GUCY1A2: variants seen among roughly 807,000 people sequenced by gnomAD.
GUCY1A2 encodes the protein guanylate cyclase 1 soluble subunit alpha 2, also known as guanylate cyclase soluble subunit alpha-2.
In GUCY1A2, 27 loss-of-function variants were observed where a neutral mutation model predicts 63.5. The ratio of observed to expected loss-of-function variants is 0.43; its 90% confidence interval spans 0.31 to 0.59. The LOEUF (loss-of-function observed/expected upper bound fraction) is 0.59. Ranked by LOEUF, GUCY1A2 falls within the 20% of genes least tolerant of loss-of-function variation. The pLI is 0.11. For synonymous variants in GUCY1A2, 364 were observed against 343.5 expected, an observed-to-expected ratio of 1.06 and a Z score of -0.66; for missense variants, 768 against 913.3, an observed-to-expected ratio of 0.84 and a Z score of 2.05.
intron 3 of GUCY1A2, among the ~76,000 whole-genome samples, chr11:106,970,991 A>G (rs1198905731): frequency 6.6e-6 from 1 of 152,148 alleles, no homozygotes; most frequent in Non-Finnish European, 1.5e-5. Context: ...ATATGATTAC[A>G]TTTATATGAC....
chr11:106,980,628 T>C (rs1861322789), intron 2 of GUCY1A2, among the ~76,000 whole-genome samples: 1 of 152,056 alleles, frequency 6.6e-6, no homozygotes, highest in Non-Finnish European at 1.5e-5. Context: ...TTTAAATTGG[T>C]CTAGAGTGAA....
intron 4 of GUCY1A2, among the ~76,000 whole-genome samples, chr11:106,898,667 AAAAGGT>A (rs902089118): frequency 2.6e-5 from 4 of 152,228 alleles, no homozygotes; most frequent in African/African-American, 9.6e-5. Flanking sequence ...GGAGACAGTA[AAAAGGT>A]CAATAGCTGC....
intron 4 of GUCY1A2, among the ~76,000 whole-genome samples, chr11:106,935,718 A>C (rs1007863744): frequency 2.6e-5 from 4 of 151,804 alleles, no homozygotes; most frequent in Admixed American, 2.6e-4. Flanking sequence ...GTGGTAGTGC[A>C]CACCTGTAGT....
At position 106,940,092 on chromosome 11, in the gene GUCY1A2, C is replaced by T. The variant is rs1860733034; in HGVS notation, c.574G>A (p.Val192Ile). 6.2e-7 allele frequency: 1 copy of T among 1,612,834 alleles called. No individual in the cohort carries two copies. The highest frequency in any genetic ancestry group is 8.5e-7 in the Non-Finnish European group (1 of 1,178,920). Residue 192 changes from valine to isoleucine, a missense_variant, in exon 4 of 8, where the codon GTA becomes ATA. By Grantham distance (29) the Val-to-Ile change is conservative. Coordinates refer to ENST00000526355, the MANE Select transcript of GUCY1A2 (RefSeq NM_000855.3). ...AAAAAGTCCTGCAAAGTGCCACCTA[C>T]AGCTCGAAGGACTCTCTCATTCTCA... is the stretch of plus-strand genomic sequence containing the variant. ...FHENERVLRA[V>I]GGTLQDFFNG... is the part of the protein sequence containing the mutation.
At chr11:106,987,038 A>T (rs1207918081) in intron 1 of GUCY1A2, among the ~76,000 whole-genome samples, 1 of 152,210 alleles carries the variant, frequency 6.6e-6, no homozygotes, top group African/African-American at 2.4e-5. Flanking sequence ...TTAGGAAGTT[A>T]TGATAAGAAG....
chr11:106,756,494 CT>C (rs1175060578), intron 6 of GUCY1A2, among the ~76,000 whole-genome samples: 1 of 152,116 alleles, frequency 6.6e-6, no homozygotes, highest in African/African-American at 2.4e-5. Context: ...CTGATTGTTC[CT>C]TTCCATGTTT....
intron 3 of GUCY1A2, among the ~76,000 whole-genome samples, chr11:106,940,820 A>G (rs1860742902): frequency 6.6e-6 from 1 of 152,160 alleles, no homozygotes; most frequent in South Asian, 2.1e-4. Context: ...GTTATCATAA[A>G]TAATATATTT....
intron 7 of GUCY1A2, among the ~76,000 whole-genome samples, chr11:106,690,648 T>C (rs143514375): frequency 2.3e-3 from 346 of 152,318 alleles, no homozygotes; most frequent in Non-Finnish European, 3.8e-3. Flanking sequence ...TACAAATGTA[T>C]GTAAGTATGT....
At chr11:106,937,382 A>G (rs1274133436) in intron 4 of GUCY1A2, among the ~76,000 whole-genome samples, 2 of 152,210 alleles carry the variant, frequency 1.3e-5, no homozygotes. Context: ...TAGAAGCCAA[A>G]TGAAATATAA....
chr11:106,882,061 T>A (rs1859831547), intron 4 of GUCY1A2, among the ~76,000 whole-genome samples: 1 of 151,776 alleles, frequency 6.6e-6, no homozygotes, highest in Admixed American at 6.6e-5. Context: ...TTCTCTTTCT[T>A]TTCTTTTCTT....
chr11:106,794,830 T>A (rs1864725852), intron 5 of GUCY1A2, among the ~76,000 whole-genome samples: 1 of 152,106 alleles, frequency 6.6e-6, no homozygotes, highest in South Asian at 2.1e-4. Context: ...TATAAAAAAT[T>A]TAGCATGGTA....
chr11:106,968,212 G>C (rs1363901570), intron 3 of GUCY1A2, among the ~76,000 whole-genome samples: 2 of 152,136 alleles, frequency 1.3e-5, no homozygotes, highest in Admixed American at 6.5e-5. Flanking sequence ...CTCTGCCCTA[G>C]ATATGATTAA....
rs555072579 is a variant in GUCY1A2, at chr11:106,967,524, G to A, written c.487+11095C>T. ...TAATGACATGGGATGAATAAAGGGA[G>A]GGATTTATCTAGAACTAGGTATGCC... On this transcript the variant is annotated intron_variant, in intron 3 of 7. Coordinates refer to ENST00000526355, the MANE Select transcript of GUCY1A2 (RefSeq NM_000855.3). Among the ~76,000 whole-genome samples, 42 of 152,248 alleles carry A rather than the reference G, an allele frequency of 2.8e-4. No homozygotes were observed. In the East Asian group the frequency reaches 7.9e-3, roughly 29 times the overall value.
chr11:106,737,034 T>C (rs1422779329), intron 6 of GUCY1A2, among the ~76,000 whole-genome samples: 1 of 152,192 alleles, frequency 6.6e-6, no homozygotes, highest in Non-Finnish European at 1.5e-5. Context: ...CTCCACTGAC[T>C]TTACTAACAT....
At chr11:106,869,396 T>A (rs1355199521) in intron 4 of GUCY1A2, among the ~76,000 whole-genome samples, 1 of 152,050 alleles carries the variant, frequency 6.6e-6, no homozygotes, top group African/African-American at 2.4e-5. Flanking sequence ...TACAAAGTAC[T>A]CAAACAAATT....
rs773251118 is a variant in GUCY1A2, at chr11:106,725,152, C to CTTT, written c.1837-16489_1837-16487dup. ...ATGTATCTTCTTATTGACATAAATT[C>CTTT]TTTTTTTTTTTTTTTTTTTTTTTTT... On this transcript the variant is annotated intron_variant, in intron 6 of 7. Coordinates refer to ENST00000526355, the MANE Select transcript of GUCY1A2 (RefSeq NM_000855.3). Among the ~76,000 whole-genome samples, 28 of 22,988 alleles carry CTTT rather than the reference C, an allele frequency of 1.2e-3. 12 individuals carry two copies. The highest frequency in any genetic ancestry group is 3.7e-3 in the African/African-American group (21 of 5,700). The allele number at this position is 22,988 out of a possible 152,430, so 15.1% of individuals were successfully genotyped here. A position where few individuals can be genotyped will look rare whatever the true frequency, so the allele number is the denominator to read the frequency against.
intron 4 of GUCY1A2, among the ~76,000 whole-genome samples, chr11:106,910,351 G>A (rs960784): frequency 0.73 from 110,543 of 151,892 alleles, 40,748 homozygotes; most frequent in East Asian, 0.86. Context: ...TATGTGATTA[G>A]GGGCAGATTT....
rs2135326854 is a variant in GUCY1A2, at chr11:106,680,624, T to C, written c.*6925A>G. 5.1e-6 allele frequency: 1 copy of C among 197,990 alleles called. No individual in the cohort carries two copies. The highest frequency in any genetic ancestry group is 1.0e-5 in the Non-Finnish European group (1 of 95,682). The allele number at this position is 197,990 out of a possible 1,614,324, so 12.3% of individuals were successfully genotyped here. ...TATTTATTTAACCCAAAACCATTCT[T>C]ACTAAGGATTTAAGGATCCAGTGAT... On this transcript the variant is annotated 3_prime_UTR_variant, in exon 8 of 8. Coordinates refer to ENST00000526355, the MANE Select transcript of GUCY1A2 (RefSeq NM_000855.3).
chr11:106,926,530 C>A (rs1860524606), intron 4 of GUCY1A2, among the ~76,000 whole-genome samples: 1 of 151,506 alleles, frequency 6.6e-6, no homozygotes, highest in South Asian at 2.1e-4. Flanking sequence ...TTATAGAGAA[C>A]AGTTCATACC....
Sources: allele counts gnomAD v4.1 joint callset (sites outside exome capture counted in the v4.1 genomes callset), GRCh38; gene constraint gnomAD v4.1.1; transcripts MANE v1.5; gene names NCBI Gene and HGNC (gene_info 2026-07-23, HGNC 2026-07-21).